The following WDR3 variants were observed in gnomAD, a reference collection of about 807,000 sequenced individuals.
WDR3 encodes the protein WD repeat domain 3.
In WDR3, 81 loss-of-function variants were observed where a neutral mutation model predicts 123.7. That is an observed-to-expected ratio of 0.65 (90% CI 0.55 to 0.79). The LOEUF (loss-of-function observed/expected upper bound fraction) is 0.79. Ranked by LOEUF, WDR3 falls within the 30% of genes least tolerant of loss-of-function variation. The probability of loss-of-function intolerance (pLI) is 0.00; values close to 1 mark genes in which losing one functional copy is unlikely to be tolerated. For synonymous variants in WDR3, 390 were observed against 388.8 expected, an observed-to-expected ratio of 1.00 and a Z score of -0.04; for missense variants, 1,027 against 1,123.2, an observed-to-expected ratio of 0.91 and a Z score of 1.22.
intron 17 of WDR3, 87 bp downstream of exon 17, chr1:117,952,163 C>T (rs1047254776): frequency 6.7e-7 from 1 of 1,500,424 alleles, no homozygotes; most frequent in Non-Finnish European, 9.2e-7. Flanking sequence ...TTTCAGTGTT[C>T]TCAGGCAGTG....
rs1425550492 is a variant in WDR3 at position 117,940,731 on chromosome 1, C to CG, written c.676-96_676-95insG. The stretch of plus-strand genomic sequence containing the variant: ...CGACAGAGTAAGACTCTGTCTCCGA[C>CG]AACAACAACAACAACAACAAAACAA... On this transcript the variant is annotated intron_variant, in intron 6 of 26. Coordinates refer to ENST00000349139, the MANE Select transcript of WDR3 (RefSeq NM_006784.3). The CG allele has an allele frequency of 2.7e-3, 2,576 of 967,994 alleles. 15 individuals are homozygous for CG. The South Asian group carries it at 0.029, about 11-fold the overall frequency. The allele number at this position is 967,994 out of a possible 1,614,324, so 60.0% of individuals were successfully genotyped here.
At chr1:117,946,940 CAAA>C (rs55743091) in intron 12 of WDR3, among the ~76,000 whole-genome samples, 3 of 77,366 alleles carry the variant, frequency 3.9e-5, no homozygotes, top group African/African-American at 5.4e-5. Flanking sequence ...GACTCCATCT[CAAA>C]AAAAAAAAAA....
intron 26 of WDR3, 102 bp downstream of exon 26, chr1:117,959,105 G>A: frequency 3.8e-6 from 5 of 1,302,560 alleles, no homozygotes; most frequent in South Asian, 1.4e-5. Flanking sequence ...ACCCACCACC[G>A]ATAAATCCAT....
Position 117,961,489 on chromosome 1 carries a change from T to G in WDR3, c.*2042T>G, listed in dbSNP as rs1230991536. 1 of 152,168 alleles carries G rather than the reference T, an allele frequency of 6.6e-6. No homozygotes were observed. The highest frequency in any genetic ancestry group is 1.5e-5 in the Non-Finnish European group (1 of 68,030). The allele number at this position is 152,168 out of a possible 1,614,324, so 9.4% of individuals were successfully genotyped here. A position where few individuals can be genotyped will look rare whatever the true frequency, so the allele number is the denominator to read the frequency against. On this transcript the variant is annotated 3_prime_UTR_variant, in exon 27 of 27. Coordinates refer to ENST00000349139, the MANE Select transcript of WDR3 (RefSeq NM_006784.3). ...AATCATACTTCTTGTTACAGGCCTGTTTAGATGTTCTGTATCTTCTTGAGA... is the reference window on the plus strand; with the variant it reads ...AATCATACTTCTTGTTACAGGCCTGGTTAGATGTTCTGTATCTTCTTGAGA...
At chr1:117,943,694 A>G (rs1391514986) in intron 11 of WDR3, 68 bp downstream of exon 11, 1 of 1,420,520 alleles carries the variant, frequency 7.0e-7, no homozygotes, top group East Asian at 2.3e-5. Flanking sequence ...TGGTACTCTT[A>G]AGGGTTAGTT....
intron 1 of WDR3, among the ~76,000 whole-genome samples, chr1:117,932,483 T>A (rs1650764292): frequency 6.6e-6 from 1 of 152,146 alleles, no homozygotes; most frequent in Admixed American, 6.5e-5. Context: ...TCCAGGTGAT[T>A]TGGATGTATA....
At position 117,934,693 on chromosome 1, in the gene WDR3, G is replaced by A; in HGVS notation, c.381+11G>A. The A allele has an allele frequency of 6.2e-7, 1 of 1,612,312 alleles. No individual in the cohort carries two copies. The highest frequency in any genetic ancestry group is 1.3e-5 in the African/African-American group (1 of 74,996). On this transcript the variant is annotated intron_variant, in intron 3 of 26. Coordinates refer to ENST00000349139, the MANE Select transcript of WDR3 (RefSeq NM_006784.3). ...GCATCTGGGTCCAAGGTGAGCCTTT[G>A]AATCAGCCCAGGCTTTGATCTATTA...
chr1:117,958,675 G>C (rs1652570925), intron 25 of WDR3, among the ~76,000 whole-genome samples: 1 of 151,936 alleles, frequency 6.6e-6, no homozygotes, highest in Non-Finnish European at 1.5e-5. Context: ...AAGAGCCTTT[G>C]CAAATGAGTT....
intron 3 of WDR3, among the ~76,000 whole-genome samples, chr1:117,935,937 A>G (rs1241012657): frequency 6.6e-6 from 1 of 152,014 alleles, no homozygotes; most frequent in African/African-American, 2.4e-5. Flanking sequence ...AAGAGATGAC[A>G]CTCTAAGAAT....
chr1:117,939,488 G>C lies in WDR3; in HGVS notation c.591G>C (p.Leu197Phe). The change falls in exon 6 of 27, where the codon TTG becomes TTC. Residue 197 changes from leucine to phenylalanine, a missense_variant. By Grantham distance (22) the Leu-to-Phe change is conservative (BLOSUM62 0). Coordinates refer to ENST00000349139, the MANE Select transcript of WDR3 (RefSeq NM_006784.3). ...TTTATATTCTATAGGTATGGGGGTT[G>C]GTTCTGTTGTCAGAAGAAAAGCGAC... The part of the protein sequence containing the change: ...MVGHRTEVWG[L>F]VLLSEEKRLI... The C allele has an allele frequency of 6.2e-7, 1 of 1,613,574 alleles. No individual in the cohort carries two copies. The highest frequency in any genetic ancestry group is 8.5e-7 in the Non-Finnish European group (1 of 1,179,598).
Position 117,953,511 on chromosome 1 carries a change from T to A in WDR3, c.2238T>A (p.Thr746=). Residue 746 remains threonine (T), a synonymous_variant, in exon 21 of 27, where the codon ACT becomes ACA. Transcript: ENST00000349139. ...AGACTCAAGGTGACAGTTACTTTAC[T>A]GGAAAGAAAACTATTGAAACAGTGA... ...PGETQGDSYF[T]GKKTIETVKA... is the part of the protein sequence containing the mutation. 6.2e-7 allele frequency: 1 copy of A among 1,612,880 alleles called. No individual in the cohort carries two copies. Among genetic ancestry groups the A allele is most frequent in the Non-Finnish European group, 8.5e-7 (1 of 1,179,158 alleles).
Position 117,963,689 on chromosome 1 carries a change from G to A in WDR3, c.*4242G>A. ...TAAACAAATATTTTCATTCATTCAG[G>A]CCAGGTGGCTTATAGGTTTCTGACT... On this transcript the variant is annotated 3_prime_UTR_variant, in exon 27 of 27. Coordinates refer to ENST00000349139, the MANE Select transcript of WDR3 (RefSeq NM_006784.3). The A allele has an allele frequency of 2.0e-6, 2 of 1,012,040 alleles. No homozygotes were observed. The highest frequency in any genetic ancestry group is 2.8e-6 in the Non-Finnish European group (2 of 704,292). The allele number at this position is 1,012,040 out of a possible 1,614,324, so 62.7% of individuals were successfully genotyped here.
chr1:117,936,497 T>G (rs1571009771), intron 3 of WDR3, among the ~76,000 whole-genome samples: 1 of 152,242 alleles, frequency 6.6e-6, no homozygotes, highest in South Asian at 2.1e-4. Flanking sequence ...AAGAAAAGGT[T>G]GTAAAATGAT....
chr1:117,934,397 G>A (rs1650843704), intron 2 of WDR3, 76 bp from the exon 3 acceptor site: 1 of 1,396,702 alleles, frequency 7.2e-7, no homozygotes, highest in South Asian at 1.3e-5. Flanking sequence ...ATTTTACTGT[G>A]CCTGAGTATT....
chr1:117,947,747 T>G (rs1265794706), intron 12 of WDR3, among the ~76,000 whole-genome samples: 1 of 152,256 alleles, frequency 6.6e-6, no homozygotes, highest in East Asian at 1.9e-4. Flanking sequence ...TTTTAGCTTA[T>G]GCTGTCTGTA....
rs375320593 is a variant in WDR3 at position 117,963,987 on chromosome 1, T to C, written c.*4540T>C. 5 of 1,556,902 alleles carry C rather than the reference T, an allele frequency of 3.2e-6. No homozygotes were observed. The highest frequency in any genetic ancestry group is 2.8e-5 in the African/African-American group (2 of 72,512). On this transcript the variant is annotated 3_prime_UTR_variant, in exon 27 of 27. Transcript: ENST00000349139. ...GCTTTTCATGACTAAATTATTTGCA[T>C]ATATAAACCTAAATAACATTTTAGA...
Position 117,939,286 on chromosome 1 carries a change from C to T in WDR3, c.580-191C>T, listed in dbSNP as rs555488539. On this transcript the variant is annotated intron_variant, in intron 5 of 26. Transcript: ENST00000349139. ...AGTATCACAAAAGTAACAATTTCAC[C>T]GCAGGCCATTTTTTTCTCTGTAAAA... 2.8e-4 allele frequency among the ~76,000 whole-genome samples: 43 copies of T among 152,204 alleles called. No individual in the cohort carries two copies. In the South Asian group the frequency reaches 6.4e-3, roughly 23 times the overall value.
Position 117,950,870 on chromosome 1 carries a change from A to G in WDR3, c.1783A>G (p.Ile595Val). ...LSLYGHKLPV[I>V]CMDISHDGAL... Reference sequence around the variant, plus strand: ...ACTGTATGGACACAAACTGCCTGTTATATGCATGGACATCTCTCATGTAAG... The same window carrying G: ...ACTGTATGGACACAAACTGCCTGTTGTATGCATGGACATCTCTCATGTAAG... Residue 595 changes from isoleucine (I) to valine (V), a missense_variant, in exon 16 of 27, where the codon ATA (isoleucine) becomes GTA (valine). Coordinates refer to ENST00000349139, the MANE Select transcript of WDR3 (RefSeq NM_006784.3). The G allele has an allele frequency of 6.2e-7, 1 of 1,609,862 alleles. No homozygotes were observed. Among genetic ancestry groups the G allele is most frequent in the Non-Finnish European group, 8.5e-7 (1 of 1,178,820 alleles).
intron 25 of WDR3, 90 bp from the exon 26 acceptor site, chr1:117,958,820 C>A: frequency 1.8e-6 from 1 of 544,402 alleles, no homozygotes; most frequent in East Asian, 4.2e-5. Context: ...TTTGTTGTTG[C>A]TTTGATATTG....
Sources: gnomAD v4.1 joint callset for allele counts (sites outside exome capture counted in the v4.1 genomes callset) on GRCh38, gnomAD v4.1.1 for gene constraint, MANE v1.5 for transcripts, NCBI Gene and HGNC (gene_info 2026-07-23, HGNC 2026-07-21) for gene names.